The following NALF1 variants were observed in gnomAD, a reference collection of about 807,000 sequenced individuals.
NALF1 encodes NALCN channel auxiliary factor 1, also known as family with sequence similarity 155 member A.
A neutral mutation model predicts 48.4 loss-of-function variants in NALF1; 3 were observed. That is an observed-to-expected ratio of 0.06 (90% CI 0.03 to 0.16). The LOEUF (loss-of-function observed/expected upper bound fraction) is 0.16, where lower values mean the gene tolerates loss of function less well. Among genes scored for constraint, NALF1 ranks in the 10% least tolerant of loss-of-function variants. The probability of loss-of-function intolerance (pLI) is 1.00; values close to 1 mark genes in which losing one functional copy is unlikely to be tolerated. For synonymous variants in NALF1, 262 were observed against 245.7 expected (o/e 1.07, Z -0.62); for missense variants, 526 against 571.5 (o/e 0.92, Z 0.81).
chr13:107,215,780 C>T (rs1019312071), intron 1 of NALF1, among the ~76,000 whole-genome samples: 1 of 152,150 alleles, frequency 6.6e-6, no homozygotes, highest in Non-Finnish European at 1.5e-5. Flanking sequence ...TGGTTCTGGG[C>T]ATTCCATTTG....
At chr13:107,622,794 T>C (rs541733541) in intron 1 of NALF1, among the ~76,000 whole-genome samples, 7 of 152,318 alleles carry the variant, frequency 4.6e-5, no homozygotes, top group African/African-American at 1.7e-4. Flanking sequence ...CAATGAACCC[T>C]TTAAGGAACA....
At chr13:107,447,571 GCTT>G (rs1427961643) in intron 1 of NALF1, among the ~76,000 whole-genome samples, 1 of 152,070 alleles carries the variant, frequency 6.6e-6, no homozygotes, top group African/African-American at 2.4e-5. Flanking sequence ...TTATGTTTTA[GCTT>G]CTTTATTCCT....
chr13:107,689,173 G>A (rs139289944), intron 1 of NALF1, among the ~76,000 whole-genome samples: 6 of 152,222 alleles, frequency 3.9e-5, no homozygotes, highest in Admixed American at 6.5e-5. Context: ...CCAGATCTGC[G>A]CGCTAGTAGG....
intron 1 of NALF1, among the ~76,000 whole-genome samples, chr13:107,769,360 A>AT (rs1877510275): frequency 6.7e-6 from 1 of 148,772 alleles, no homozygotes; most frequent in South Asian, 2.2e-4. Context: ...CTATGCAGCC[A>AT]TAAAAAATGA....
chr13:107,419,440 G>A (rs1381831839), intron 1 of NALF1, among the ~76,000 whole-genome samples: 1 of 152,154 alleles, frequency 6.6e-6, no homozygotes, highest in Admixed American at 6.6e-5. Flanking sequence ...TGAGATATAA[G>A]TTTTGTACAG....
At chr13:107,445,830 C>T (rs1401296474) in intron 1 of NALF1, among the ~76,000 whole-genome samples, 1 of 151,768 alleles carries the variant, frequency 6.6e-6, no homozygotes, top group South Asian at 2.1e-4. Context: ...TGGTGATGAG[C>T]AGAAAAAAAT....
At chr13:107,624,945 G>A (rs1288589949) in intron 1 of NALF1, among the ~76,000 whole-genome samples, 3 of 152,240 alleles carry the variant, frequency 2.0e-5, no homozygotes, top group Middle Eastern at 3.4e-3. Context: ...GTTCTAACCC[G>A]TAGACATTTC....
At chr13:107,735,025 T>C (rs576213109) in intron 1 of NALF1, among the ~76,000 whole-genome samples, 28 of 151,870 alleles carry the variant, frequency 1.8e-4, no homozygotes, top group African/African-American at 6.0e-4. Flanking sequence ...GAGGAAAAAA[T>C]GGAGTTGCAG....
chr13:107,348,856 C>T (rs1316090391), intron 1 of NALF1, among the ~76,000 whole-genome samples: 1 of 152,156 alleles, frequency 6.6e-6, no homozygotes, highest in Non-Finnish European at 1.5e-5. Flanking sequence ...AACCATAACA[C>T]CTTGCTCATT....
Position 107,693,235 on chromosome 13 carries a change from A to G in NALF1, c.915+172447T>C, listed in dbSNP as rs189280346. Among the ~76,000 whole-genome samples the G allele has an allele frequency of 4.7e-3, 704 of 149,046 alleles. 9 individuals carry two copies. Among genetic ancestry groups the G allele is most frequent in the African/African-American group, 0.017 (693 of 40,784 alleles). On this transcript the variant is annotated intron_variant, in intron 1 of 2. Coordinates refer to ENST00000375915, the MANE Select transcript of NALF1 (RefSeq NM_001080396.3). ...AACTATCACAAGGACAGAAAATCAA[A>G]CACCACATGTTCTCACTCATAGGTA...
At chr13:107,855,055 G>A (rs959113057) in intron 1 of NALF1, among the ~76,000 whole-genome samples, 8 of 152,138 alleles carry the variant, frequency 5.3e-5, no homozygotes, top group African/African-American at 1.9e-4. Flanking sequence ...GAGTGCTGGT[G>A]AGGTGTAGCA....
chr13:107,271,103 T>C (rs149497289), intron 1 of NALF1, among the ~76,000 whole-genome samples: 2 of 152,322 alleles, frequency 1.3e-5, no homozygotes, highest in East Asian at 3.9e-4. Context: ...CATTTGGTAG[T>C]TTGTAGTAGA....
At chr13:107,223,082 G>C (rs1004237315) in intron 1 of NALF1, among the ~76,000 whole-genome samples, 6 of 152,300 alleles carry the variant, frequency 3.9e-5, no homozygotes, top group Admixed American at 2.0e-4. Context: ...TGTATAAGCT[G>C]TAATGATGCT....
rs764264774 is a variant in NALF1 at position 107,549,845 on chromosome 13, AT to A, written c.915+315836del. Reference sequence around the variant, plus strand: ...ACTAACATTCTTTATGCAACTTTTCATTTTTTTTTTTCTGATACAGGATCCA... The same window carrying A: ...ACTAACATTCTTTATGCAACTTTTCATTTTTTTTTTCTGATACAGGATCCA... On this transcript the variant is annotated intron_variant, in intron 1 of 2. Coordinates refer to ENST00000375915, the MANE Select transcript of NALF1 (RefSeq NM_001080396.3). 5.6e-3 allele frequency among the ~76,000 whole-genome samples: 826 copies of A among 147,118 alleles called. 6 individuals are homozygous for A. Among genetic ancestry groups the A allele is most frequent in the African/African-American group, 0.019 (764 of 40,402 alleles).
intron 1 of NALF1, among the ~76,000 whole-genome samples, chr13:107,566,272 A>G (rs1035839650): frequency 6.6e-6 from 1 of 152,240 alleles, no homozygotes; most frequent in African/African-American, 2.4e-5. Context: ...GAAATAAGGT[A>G]ACCTGCCAGC....
chr13:107,283,952 C>G (rs1416909414), intron 1 of NALF1, among the ~76,000 whole-genome samples: 1 of 152,018 alleles, frequency 6.6e-6, no homozygotes, highest in Non-Finnish European at 1.5e-5. Context: ...CTAGGAGTTC[C>G]CTAAAAGACT....
intron 1 of NALF1, among the ~76,000 whole-genome samples, chr13:107,640,834 A>C (rs1880132570): frequency 6.6e-6 from 1 of 152,228 alleles, no homozygotes; most frequent in Non-Finnish European, 1.5e-5. Flanking sequence ...TTTCTCTTAG[A>C]TCTTGAGACC....
chr13:107,726,463 A>G (rs1049331991), intron 1 of NALF1, among the ~76,000 whole-genome samples: 3 of 152,186 alleles, frequency 2.0e-5, no homozygotes, highest in African/African-American at 7.2e-5. Flanking sequence ...CACTAGATAC[A>G]TGATACTAAG....
chr13:107,351,996 G>A (rs967363143), intron 1 of NALF1, among the ~76,000 whole-genome samples: 1 of 152,196 alleles, frequency 6.6e-6, no homozygotes, highest in Non-Finnish European at 1.5e-5. Flanking sequence ...GAAGAGCTAT[G>A]AATATTTATG....
Sources: gnomAD v4.1 joint callset for allele counts (sites outside exome capture counted in the v4.1 genomes callset) on GRCh38, gnomAD v4.1.1 for gene constraint, MANE v1.5 for transcripts, NCBI Gene and HGNC (gene_info 2026-07-23, HGNC 2026-07-21) for gene names.